The following RASAL3 variants were observed in gnomAD, a reference collection of about 807,000 sequenced individuals.
RASAL3 encodes the protein RAS protein activator like-3.
RASAL3 carries 74 observed loss-of-function variants against 105.5 expected under a neutral mutation model. The ratio of observed to expected loss-of-function variants is 0.70; its 90% confidence interval spans 0.58 to 0.85. The LOEUF is 0.85. Among genes scored for constraint, RASAL3 ranks in the 40% least tolerant of loss-of-function variants. The pLI is 0.00. For synonymous variants in RASAL3, 579 were observed against 591.6 expected, an observed-to-expected ratio of 0.98 and a Z score of 0.31; for missense variants, 1,352 against 1,392.0, an observed-to-expected ratio of 0.97 and a Z score of 0.46.
chr19:15,454,310 G>A, intron 13 of RASAL3, 43 bp from the exon 14 acceptor site: 2 of 1,569,316 alleles, frequency 1.3e-6, no homozygotes, highest in East Asian at 2.4e-5. Flanking sequence ...AGTCTCCAGG[G>A]TCAGAGTCTC....
Position 15,456,624 on chromosome 19 carries a change from G to A in RASAL3, c.1454C>T (p.Thr485Ile). 6.2e-7 allele frequency: 1 copy of A among 1,612,950 alleles called. No individual in the cohort carries two copies. Among genetic ancestry groups the A allele is most frequent in the Non-Finnish European group, 8.5e-7 (1 of 1,179,640 alleles). The change falls in exon 10 of 18, where the codon ACT (threonine) becomes ATT (isoleucine). Residue 485 changes from threonine (T) to isoleucine (I), a missense_variant. Coordinates refer to ENST00000343625, the MANE Select transcript of RASAL3 (RefSeq NM_022904.3). The surrounding 1 kb of genome is among the most constrained non-coding windows in gnomAD (Gnocchi z 4.4). ...GCCTCCACAGCGCGCCAGCTCCGCAGTGCCCAGGTCAGTCACCAGCGCCTA... is the reference window on the plus strand; with the variant it reads ...GCCTCCACAGCGCGCCAGCTCCGCAATGCCCAGGTCAGTCACCAGCGCCTA... ...RAQALVTDLG[T>I]AELARCGGRE...
intron 17 of RASAL3, 40 bp from the exon 18 acceptor site, chr19:15,451,978 G>A (rs2145445077): frequency 3.7e-6 from 6 of 1,613,554 alleles, no homozygotes; most frequent in South Asian, 3.3e-5. Flanking sequence ...AACCAGGAGA[G>A]GGCTGCACCG....
At chr19:15,460,989 G>T (rs1970488478) in intron 5 of RASAL3, 71 bp downstream of exon 5, 1 of 1,405,642 alleles carries the variant, frequency 7.1e-7, no homozygotes, top group Non-Finnish European at 1.0e-6. Context: ...CAGCAAGAGT[G>T]CCCTTTCAGC....
rs763536973 is a variant in RASAL3, at chr19:15,452,668, G to T, written c.2818C>A (p.Leu940Ile). The change falls in exon 16 of 18, where the codon CTC becomes ATC. Residue 940 changes from leucine (L) to isoleucine (I), a missense_variant. Physicochemically the swap from Leu to Ile is conservative, Grantham distance 5. Transcript: ENST00000343625. ...GAGGGCTGGGCTCACCCAGCACGGA[G>T]CCTGGAGTCCAGATCCTGCAGCTGG... ...RGQLQDLDSR[L>I]RAGSSEFDSE... 2.6e-6 allele frequency: 4 copies of T among 1,547,994 alleles called. No homozygotes were observed. Among genetic ancestry groups the T allele is most frequent in the African/African-American group, 1.4e-5 (1 of 72,968 alleles).
Position 15,453,580 on chromosome 19 carries a change from C to A in RASAL3, c.2280-83G>T. The A allele has an allele frequency of 7.4e-7, 1 of 1,345,282 alleles. No individual in the cohort carries two copies. Among genetic ancestry groups the A allele is most frequent in the Non-Finnish European group, 9.7e-7 (1 of 1,030,010 alleles). The allele number at this position is 1,345,282 out of a possible 1,614,324, so 83.3% of individuals were successfully genotyped here. On this transcript the variant is annotated intron_variant, in intron 14 of 17. Transcript: ENST00000343625. The surrounding 1 kb of genome is among the most constrained non-coding windows in gnomAD (Gnocchi z 4.2). Reference sequence around the variant, plus strand: ...CGACCTGACCAGAAGTGACCTCACCCCCCACGTGAACTTGTCCTTTCTTTT... The same window carrying A: ...CGACCTGACCAGAAGTGACCTCACCACCCACGTGAACTTGTCCTTTCTTTT...
Position 15,463,068 on chromosome 19 carries a change from AT to A in RASAL3, c.328+962del, listed in dbSNP as rs373369401. On this transcript the variant is annotated intron_variant, in intron 2 of 17. Transcript: ENST00000343625. ...TGTGTGACACTTAGCACCATCTGTC[AT>A]TTTTTTTCTTTCTTTTTTTTTTTTT... Among the ~76,000 whole-genome samples the A allele has an allele frequency of 6.2e-3, 915 of 147,786 alleles. 15 individuals carry two copies. Among genetic ancestry groups the A allele is most frequent in the African/African-American group, 0.021 (847 of 40,184 alleles).
At position 15,456,513 on chromosome 19, in the gene RASAL3, T is replaced by G. The variant is rs775318464; in HGVS notation, c.1565A>C (p.Gln522Pro). Residue 522 changes from glutamine (Q) to proline (P), a missense_variant, in exon 10 of 18, where the codon CAG becomes CCG. Physicochemically the swap from Gln to Pro is moderately conservative, Grantham distance 76. Coordinates refer to ENST00000343625, the MANE Select transcript of RASAL3 (RefSeq NM_022904.3). This position sits in a 1 kb window ranked among gnomAD's most constrained non-coding sequence, Gnocchi z 4.4. ...CTCCCCCAGCTCACCCAGGGTCTCCTGGAGGTAATCCTGTGCCACGAGCTT... is the reference window on the plus strand; with the variant it reads ...CTCCCCCAGCTCACCCAGGGTCTCCGGGAGGTAATCCTGTGCCACGAGCTT... ...YMKLVAQDYLQETLGQVVRRL... is the reference protein window; with the variant it reads ...YMKLVAQDYLPETLGQVVRRL... The G allele has an allele frequency of 6.2e-7, 1 of 1,613,666 alleles. No individual in the cohort carries two copies. The highest frequency in any genetic ancestry group is 1.3e-5 in the African/African-American group (1 of 74,932).
chr19:15,461,257 C>T lies in RASAL3; in HGVS notation c.505G>A (p.Gly169Ser), dbSNP rs1970499310. 6.2e-7 allele frequency: 1 copy of T among 1,613,790 alleles called. No individual in the cohort carries two copies. Among genetic ancestry groups the T allele is most frequent in the Non-Finnish European group, 8.5e-7 (1 of 1,179,890 alleles). ...RPRVGSASSE[G>S]SIHVAMGNFR... Reference sequence around the variant, plus strand: ...TTCCCCATGGCCACGTGGATGCTGCCCTCGGAGCTAGCACTTCCCACCCGG... The same window carrying T: ...TTCCCCATGGCCACGTGGATGCTGCTCTCGGAGCTAGCACTTCCCACCCGG... Residue 169 changes from glycine to serine, a missense_variant, in exon 4 of 18, where the codon GGC (glycine) becomes AGC (serine). Gly to Ser is a moderately conservative substitution (Grantham distance 56). Coordinates refer to ENST00000343625, the MANE Select transcript of RASAL3 (RefSeq NM_022904.3).
Position 15,461,518 on chromosome 19 carries a change from A to G in RASAL3, c.418T>C (p.Phe140Leu). The change falls in exon 3 of 18, where the codon TTC becomes CTC. Residue 140 changes from phenylalanine (F) to leucine (L), a missense_variant. Phe to Leu is a conservative substitution (Grantham distance 22). This residue lies in a region of RASAL3 where 344 missense variants were observed against 339.6 expected (regional missense o/e 1.01). Transcript: ENST00000343625. The part of the protein sequence containing the change: ...PNVPVWDIGG[F>L]TLLDGKLVLL... Reference sequence around the variant, plus strand: ...ACCAGCTTCCCATCAAGCAGGGTGAAGCCCCCAATGTCCCAGACAGGCACG... The same window carrying G: ...ACCAGCTTCCCATCAAGCAGGGTGAGGCCCCCAATGTCCCAGACAGGCACG... The G allele has an allele frequency of 6.5e-7, 1 of 1,544,980 alleles. No homozygotes were observed. The highest frequency in any genetic ancestry group is 8.7e-7 in the Non-Finnish European group (1 of 1,145,450).
In RASAL3 at chr19:15,464,109, G is replaced by A. The variant is rs866548350; in HGVS notation, c.250C>T (p.Arg84Ter). 6.2e-7 allele frequency: 1 copy of A among 1,612,992 alleles called. No individual in the cohort carries two copies. The highest frequency in any genetic ancestry group is 8.5e-7 in the Non-Finnish European group (1 of 1,179,560). Residue 84 changes from arginine to a stop codon, truncating the protein, a stop_gained, in exon 2 of 18, where the codon CGA becomes TGA. Transcript: ENST00000343625. LOFTEE classifies it high-confidence loss of function. The stretch of plus-strand genomic sequence containing the variant: ...CTCCCCCAGAGGGCCTTGGAGAGTC[G>A]AAGGCGACTGGTCCGTGACTCCTTG... Reference protein sequence around the residue: ...PPKESRTSRLRLSKALWGRHK... With the variant: ...PPKESRTSRL
At chr19:15,455,229 C>T (rs1002584925) in intron 11 of RASAL3, among the ~76,000 whole-genome samples, 1 of 152,140 alleles carries the variant, frequency 6.6e-6, no homozygotes. Flanking sequence ...TATAATTAGA[C>T]ATGAGACTGG....
chr19:15,458,308 G>T lies in RASAL3; in HGVS notation c.888+20C>A, dbSNP rs1179464487. ...CCTGTGGGCGGGGTCTCCGTGTCCC[G>T]CTTTTCTGAGGGCAATGACCTGGGT... is the stretch of plus-strand genomic sequence containing the variant. On this transcript the variant is annotated intron_variant, in intron 8 of 17. Coordinates refer to ENST00000343625, the MANE Select transcript of RASAL3 (RefSeq NM_022904.3). 6.2e-7 allele frequency: 1 copy of T among 1,608,408 alleles called. No individual in the cohort carries two copies. The highest frequency in any genetic ancestry group is 2.2e-5 in the East Asian group (1 of 44,616).
At chr19:15,459,008 G>A (rs1347268892) in intron 6 of RASAL3, among the ~76,000 whole-genome samples, 1 of 152,064 alleles carries the variant, frequency 6.6e-6, no homozygotes, top group Non-Finnish European at 1.5e-5. Context: ...TCAGCTCACT[G>A]CAACCTCTGC....
In RASAL3 at chr19:15,461,285, C is replaced by A; in HGVS notation, c.477G>T (p.Arg159Ser). ...CGGAGCTAGCACTTCCCACCCGGGG[C>A]CTTCGAGGACCCTGTTCTCCCGCAG... ...LLGGEEEGPR[R>S]PRVGSASSEG... Residue 159 changes from arginine to serine, a missense_variant, in exon 4 of 18, where the codon AGG (arginine) becomes AGT (serine). Arg to Ser is a moderately radical substitution (Grantham distance 110, BLOSUM62 -1). This residue lies in a region of RASAL3 where 344 missense variants were observed against 339.6 expected (regional missense o/e 1.01). Coordinates refer to ENST00000343625, the MANE Select transcript of RASAL3 (RefSeq NM_022904.3). The A allele has an allele frequency of 6.2e-7, 1 of 1,613,416 alleles. No individual in the cohort carries two copies. The highest frequency in any genetic ancestry group is 8.5e-7 in the Non-Finnish European group (1 of 1,179,724).
In RASAL3 at chr19:15,464,287, G is replaced by A. The variant is rs550702725; in HGVS notation, c.72C>T (p.Arg24=). The change falls in exon 2 of 18, where the codon CGC becomes CGT. Residue 24 remains arginine, a synonymous_variant. Coordinates refer to ENST00000343625, the MANE Select transcript of RASAL3 (RefSeq NM_022904.3). The part of the protein sequence containing the change: ...PTATSPLTSY[R]WHTGGGGEKA... ...TCTCCCCACCGCCCCCTGTGTGCCA[G>A]CGGTAGGAAGTCAGCGGAGAGGTGG... 11 of 1,611,960 alleles carry A rather than the reference G, an allele frequency of 6.8e-6. No individual in the cohort carries two copies. Among genetic ancestry groups the A allele is most frequent in the Non-Finnish European group, 9.3e-6 (11 of 1,179,466 alleles).
At chr19:15,452,261 G>A in intron 16 of RASAL3, 153 bp from the exon 17 acceptor site, 1 of 719,572 alleles carries the variant, frequency 1.4e-6, no homozygotes, top group Non-Finnish European at 2.4e-6. Context: ...CTTGAAGAAG[G>A]GTCGGACCAG....
intron 7 of RASAL3, 31 bp from the exon 8 acceptor site, chr19:15,458,457 C>A: frequency 6.2e-7 from 1 of 1,613,204 alleles, no homozygotes; most frequent in Non-Finnish European, 8.5e-7. Flanking sequence ...ACGGTGTGAT[C>A]GAGGCCAAGG....
Position 15,457,821 on chromosome 19 carries a change from C to T in RASAL3, c.902G>A (p.Arg301Gln). Residue 301 changes from arginine to glutamine, a missense_variant, in exon 9 of 18, where the codon CGG becomes CAG. By Grantham distance (43) the Arg-to-Gln change is conservative (BLOSUM62 1). Around this residue, in one of 3 missense-constraint regions of RASAL3, gnomAD observed 88 missense variants for 132.7 expected, o/e 0.66. Transcript: ENST00000343625. This position sits in a 1 kb window ranked among gnomAD's most constrained non-coding sequence, Gnocchi z 8.6. ...QFQPTQDNVE[R>Q]EETWLSVWVH... ...CCACACGCTCAGCCATGTCTCTTCC[C>T]GCTCCACGTTGTCCTGCAGATGGGA... The T allele has an allele frequency of 6.5e-7, 1 of 1,548,968 alleles. No individual in the cohort carries two copies. Among genetic ancestry groups the T allele is most frequent in the Non-Finnish European group, 8.7e-7 (1 of 1,146,942 alleles).
intron 6 of RASAL3, 136 bp from the exon 7 acceptor site, chr19:15,458,791 C>T (rs1348726312): frequency 4.2e-6 from 5 of 1,177,648 alleles, no homozygotes; most frequent in Admixed American, 2.6e-5. Flanking sequence ...CCCCACCCCC[C>T]GCCATGGCAC....
Sources: gnomAD v4.1 joint callset for allele counts (sites outside exome capture counted in the v4.1 genomes callset) on GRCh38, gnomAD v4.1.1 for gene constraint, gnomAD v4.1.1 regional missense constraint, Gnocchi (gnomAD v3.1) non-coding constraint, MANE v1.5 for transcripts, NCBI Gene and HGNC (gene_info 2026-07-23, HGNC 2026-07-21) for gene names.